The following MYO5B variants were observed in gnomAD, a reference collection of about 807,000 sequenced individuals.
The protein encoded by MYO5B is myosin VB.
In MYO5B, 143 loss-of-function variants were observed where a neutral mutation model predicts 229.3. The observed-to-expected ratio is 0.62, with a 90% CI of 0.54 to 0.72. MYO5B has a LOEUF of 0.72. MYO5B is among the 30% of genes least tolerant of loss of function. The pLI is 0.00. For missense variants in MYO5B, 2,321 were observed against 2,331.0 expected (o/e 1.00, Z 0.09); for synonymous variants, 918 against 885.2 (o/e 1.04, Z -0.66).
chr18:49,881,800 CAAAA>C (rs10611314), intron 22 of MYO5B, among the ~76,000 whole-genome samples: 27,929 of 140,096 alleles, frequency 0.2, 2,754 homozygotes, highest in East Asian at 0.41. Flanking sequence ...GACTCCGTCT[CAAAA>C]AAAAAAAAAA....
intron 1 of MYO5B, among the ~76,000 whole-genome samples, chr18:50,177,276 G>A (rs112260028): frequency 1.3e-5 from 2 of 152,096 alleles, no homozygotes; most frequent in Admixed American, 6.6e-5. Context: ...GAAAATAGAC[G>A]CCTCCATACT....
Position 49,992,322 on chromosome 18 carries a change from G to C in MYO5B, c.722C>G (p.Thr241Ser). Residue 241 changes from threonine (T) to serine (S), a missense_variant, in exon 6 of 40, where the codon ACT (threonine) becomes AGT (serine). Transcript: ENST00000285039. ...CACTCTGGACTTCTCCAAGAGGTAA[G>C]TCCTCATGTTGGCCCCGATGATGTG... ...RYHIIGANMR[T>S]YLLEKSRVVF... 1 of 1,614,160 alleles carries C rather than the reference G, an allele frequency of 6.2e-7. No individual in the cohort carries two copies. Among genetic ancestry groups the C allele is most frequent in the Non-Finnish European group, 8.5e-7 (1 of 1,180,028 alleles).
rs894404919 is a variant in MYO5B at position 49,905,796 on chromosome 18, G to A, written c.2414+623C>T. 4.6e-5 allele frequency among the ~76,000 whole-genome samples: 7 copies of A among 152,304 alleles called. No homozygotes were observed. In the East Asian group the frequency reaches 1.4e-3, roughly 29 times the overall value. ...TCTTGGCTGACACACTCCTGCTGCTGTAGTGCCTCATCAGCCCAGTGTCCG... is the reference window on the plus strand; with the variant it reads ...TCTTGGCTGACACACTCCTGCTGCTATAGTGCCTCATCAGCCCAGTGTCCG... On this transcript the variant is annotated intron_variant, in intron 19 of 39. Coordinates refer to ENST00000285039, the MANE Select transcript of MYO5B (RefSeq NM_001080467.3).
At chr18:50,032,926 G>A (rs2144376852) in intron 4 of MYO5B, among the ~76,000 whole-genome samples, 1 of 152,174 alleles carries the variant, frequency 6.6e-6, no homozygotes, top group Non-Finnish European at 1.5e-5. Context: ...GGTGGAGGTT[G>A]CAGTGAGCCA....
At chr18:49,875,213 A>G (rs1395790146) in intron 26 of MYO5B, among the ~76,000 whole-genome samples, 1 of 152,188 alleles carries the variant, frequency 6.6e-6, no homozygotes, top group African/African-American at 2.4e-5. Flanking sequence ...GGCTGCTGAT[A>G]ATCTGGACTG....
At chr18:50,172,126 T>A (rs1483510534) in intron 1 of MYO5B, among the ~76,000 whole-genome samples, 1 of 151,692 alleles carries the variant, frequency 6.6e-6, no homozygotes, top group Non-Finnish European at 1.5e-5. Context: ...ACAAAAACTT[T>A]AAAAATTAGC....
At chr18:49,986,612 G>T (rs999391111) in intron 7 of MYO5B, among the ~76,000 whole-genome samples, 1 of 152,206 alleles carries the variant, frequency 6.6e-6, no homozygotes, top group Non-Finnish European at 1.5e-5. Flanking sequence ...AACCACATCA[G>T]ATCTTTGTAG....
At chr18:49,989,311 C>T (rs2025904457) in intron 7 of MYO5B, among the ~76,000 whole-genome samples, 1 of 152,190 alleles carries the variant, frequency 6.6e-6, no homozygotes, top group Non-Finnish European at 1.5e-5. Context: ...TGGTGCTGGA[C>T]TCTTAGGATG....
intron 1 of MYO5B, among the ~76,000 whole-genome samples, chr18:50,057,443 C>A (rs2030577212): frequency 6.6e-6 from 1 of 152,226 alleles, no homozygotes; most frequent in African/African-American, 2.4e-5. Context: ...AAAATCCCAA[C>A]AGGAACCGAA....
intron 1 of MYO5B, among the ~76,000 whole-genome samples, chr18:50,068,558 T>C (rs561478904): frequency 4.6e-5 from 7 of 152,270 alleles, no homozygotes; most frequent in African/African-American, 7.2e-5. Context: ...TGGAAATGCA[T>C]AGAAGGAAAC....
intron 1 of MYO5B, among the ~76,000 whole-genome samples, chr18:50,080,941 G>C (rs2031205992): frequency 6.6e-6 from 1 of 152,182 alleles, no homozygotes; most frequent in African/African-American, 2.4e-5. Context: ...TTCATGTTGG[G>C]TGTTTCTTTA....
chr18:49,854,879 G>A (rs1463221635), intron 30 of MYO5B, among the ~76,000 whole-genome samples: 1 of 152,178 alleles, frequency 6.6e-6, no homozygotes, highest in Non-Finnish European at 1.5e-5. Flanking sequence ...CACATTTTAT[G>A]TAGCTGAGTC....
At position 49,937,326 on chromosome 18, in the gene MYO5B, T is replaced by G. The variant is rs777244062; in HGVS notation, c.1824A>C (p.Ser608=). The change falls in exon 15 of 40, where the codon TCA becomes TCC. Residue 608 remains serine (S), a synonymous_variant. Transcript: ENST00000285039. ...PVPATTPGKG[S]SSKISVRSAR... is the part of the protein sequence containing the mutation. ...CAGAACGGACGCTGATCTTCGAAGATGACCCCTTCCCAGGGGTGGTGGCAG... is the reference window on the plus strand; with the variant it reads ...CAGAACGGACGCTGATCTTCGAAGAGGACCCCTTCCCAGGGGTGGTGGCAG... 1.2e-6 allele frequency: 2 copies of G among 1,614,074 alleles called. No homozygotes were observed. Among genetic ancestry groups the G allele is most frequent in the South Asian group, 1.1e-5 (1 of 91,078 alleles).
intron 1 of MYO5B, among the ~76,000 whole-genome samples, chr18:50,087,290 G>A (rs1389091022): frequency 6.6e-6 from 1 of 152,190 alleles, no homozygotes; most frequent in Non-Finnish European, 1.5e-5. Flanking sequence ...GCAGAGTGTT[G>A]GCAGGGCATG....
At chr18:50,033,909 T>C (rs937426454) in intron 4 of MYO5B, among the ~76,000 whole-genome samples, 2 of 142,540 alleles carry the variant, frequency 1.4e-5, no homozygotes, top group African/African-American at 5.0e-5. Flanking sequence ...CTCCTGGAAC[T>C]CTTGGGGGGT....
At position 49,879,151 on chromosome 18, in the gene MYO5B, C is replaced by T. The variant is rs921830055; in HGVS notation, c.3131-61G>A. On this transcript the variant is annotated intron_variant, in intron 23 of 39. Coordinates refer to ENST00000285039, the MANE Select transcript of MYO5B (RefSeq NM_001080467.3). Reference sequence around the variant, plus strand: ...ATGGATTCCCTCACATGTATTGACTCATGTTTTCCGATTAATCTCTTGTTA... The same window carrying T: ...ATGGATTCCCTCACATGTATTGACTTATGTTTTCCGATTAATCTCTTGTTA... 4.2e-5 allele frequency: 67 copies of T among 1,608,220 alleles called. 1 individual carries two copies. Among genetic ancestry groups the T allele is most frequent in the Admixed American group, 8.3e-5 (5 of 59,994 alleles).
chr18:49,913,806 C>CA (rs1487777391), intron 17 of MYO5B, among the ~76,000 whole-genome samples: 1 of 151,854 alleles, frequency 6.6e-6, no homozygotes, highest in East Asian at 1.9e-4. Flanking sequence ...CAAAGGCAGA[C>CA]AAGGAGACAA....
intron 2 of MYO5B, among the ~76,000 whole-genome samples, chr18:50,040,540 C>T (rs962435994): frequency 2.6e-5 from 4 of 152,162 alleles, no homozygotes; most frequent in African/African-American, 9.7e-5. Context: ...GGAAACATAA[C>T]CAGGTCTAAG....
At chr18:50,189,355 A>G (rs2033197011) in intron 1 of MYO5B, among the ~76,000 whole-genome samples, 1 of 152,228 alleles carries the variant, frequency 6.6e-6, no homozygotes, top group Non-Finnish European at 1.5e-5. Context: ...CAAGCATGGT[A>G]ACTTTAGTTC....
Sources: gnomAD v4.1 joint callset for allele counts (sites outside exome capture counted in the v4.1 genomes callset) on GRCh38, gnomAD v4.1.1 for gene constraint, MANE v1.5 for transcripts, NCBI Gene and HGNC (gene_info 2026-07-23, HGNC 2026-07-21) for gene names.